The following GPR39 variants were observed in gnomAD, a reference collection of about 807,000 sequenced individuals.
GPR39 encodes G protein-coupled receptor 39.
In GPR39, 23 loss-of-function variants were observed where a neutral mutation model predicts 18.4. That is an observed-to-expected ratio of 1.25 (90% CI 0.90 to 1.77). GPR39 has a LOEUF of 1.77. GPR39 is among the 40% of genes most tolerant of loss of function. The pLI, the probability that GPR39 is intolerant of heterozygous loss-of-function variation, is 0.00. For missense variants in GPR39, 647 were observed against 602.4 expected (o/e 1.07, Z -0.78); for synonymous variants, 280 against 257.9 (o/e 1.09, Z -0.82).
In GPR39 at chr2:132,515,890, A is replaced by G. The variant is rs970392987; in HGVS notation, c.856+97992A>G. On this transcript the variant is annotated intron_variant, in intron 1 of 1. Transcript: ENST00000329321. The stretch of plus-strand genomic sequence containing the variant: ...TGTCCTCTGATTGTATTTCTGCATG[A>G]CTGTCCGTAAAAATACATGGTTTTC... Among the ~76,000 whole-genome samples the G allele has an allele frequency of 5.9e-5, 9 of 152,272 alleles. No homozygotes were observed. In the South Asian group the frequency reaches 1.2e-3, roughly 21 times the overall value.
chr2:132,501,968 CTTATGTG>C (rs1332806528), intron 1 of GPR39, among the ~76,000 whole-genome samples: 3 of 152,066 alleles, frequency 2.0e-5, no homozygotes, highest in Non-Finnish European at 4.4e-5. Flanking sequence ...GATGTGAGTA[CTTATGTG>C]TTAGATGAAT....
intron 1 of GPR39, among the ~76,000 whole-genome samples, chr2:132,538,187 C>T (rs756130184): frequency 6.6e-6 from 1 of 152,154 alleles, no homozygotes; most frequent in Non-Finnish European, 1.5e-5. Flanking sequence ...ATGGATTTAT[C>T]TACCTTTTAT....
At chr2:132,422,843 C>T (rs899273464) in intron 1 of GPR39, among the ~76,000 whole-genome samples, 4 of 151,828 alleles carry the variant, frequency 2.6e-5, no homozygotes, top group East Asian at 1.9e-4. Flanking sequence ...GCATAGTTTC[C>T]GAGGAAGGGG....
At chr2:132,643,210 G>A (rs1353319292) in intron 1 of GPR39, among the ~76,000 whole-genome samples, 1 of 152,094 alleles carries the variant, frequency 6.6e-6, no homozygotes, top group Admixed American at 6.5e-5. Flanking sequence ...TTTTTCATCA[G>A]ATCAATATGT....
intron 1 of GPR39, among the ~76,000 whole-genome samples, chr2:132,510,272 T>G (rs1679215591): frequency 6.6e-6 from 1 of 152,104 alleles, no homozygotes; most frequent in Admixed American, 6.5e-5. Flanking sequence ...AGACATGAAG[T>G]GAGCTTATTG....
intron 1 of GPR39, among the ~76,000 whole-genome samples, chr2:132,587,520 G>A (rs138049986): frequency 1.3e-5 from 2 of 152,118 alleles, no homozygotes; most frequent in East Asian, 3.9e-4. Flanking sequence ...TCTTGATTAG[G>A]TCTTTTCTTT....
chr2:132,492,035 C>CAG (rs1465559286), intron 1 of GPR39, among the ~76,000 whole-genome samples: 1 of 147,456 alleles, frequency 6.8e-6, no homozygotes, highest in African/African-American at 2.6e-5. Context: ...TATATATACA[C>CAG]CACATATATA....
intron 1 of GPR39, among the ~76,000 whole-genome samples, chr2:132,546,729 C>A (rs538631924): frequency 1.3e-5 from 2 of 151,238 alleles, no homozygotes; most frequent in Non-Finnish European, 2.9e-5. Context: ...GACGTTGGCA[C>A]CCTGGGGATT....
chr2:132,571,211 A>G (rs1003866126), intron 1 of GPR39, among the ~76,000 whole-genome samples: 1 of 152,230 alleles, frequency 6.6e-6, no homozygotes, highest in Non-Finnish European at 1.5e-5. Context: ...AGCTATTTCT[A>G]GAATCGACAT....
chr2:132,480,877 A>C (rs191366675), intron 1 of GPR39, among the ~76,000 whole-genome samples: 2 of 152,212 alleles, frequency 1.3e-5, no homozygotes, highest in Non-Finnish European at 2.9e-5. Context: ...TCAACTTCTT[A>C]GTTGGCCTTG....
chr2:132,433,432 A>T (rs1319126392), intron 1 of GPR39, among the ~76,000 whole-genome samples: 2 of 152,046 alleles, frequency 1.3e-5, no homozygotes, highest in African/African-American at 4.8e-5. Flanking sequence ...CCAGTAAAAT[A>T]TTGCAGTAAA....
chr2:132,475,411 A>G (rs1316900210), intron 1 of GPR39, among the ~76,000 whole-genome samples: 1 of 152,004 alleles, frequency 6.6e-6, no homozygotes, highest in East Asian at 1.9e-4. Context: ...GATCTTGGGA[A>G]GAATAAATAC....
chr2:132,624,863 C>T (rs938233180), intron 1 of GPR39, among the ~76,000 whole-genome samples: 5 of 152,072 alleles, frequency 3.3e-5, no homozygotes, highest in Non-Finnish European at 5.9e-5. Flanking sequence ...AGTTCCCAGT[C>T]GGGGATCAAT....
chr2:132,636,835 G>A (rs1467020130), intron 1 of GPR39, among the ~76,000 whole-genome samples: 1 of 152,206 alleles, frequency 6.6e-6, no homozygotes, highest in Non-Finnish European at 1.5e-5. Flanking sequence ...TGTTTTGGTT[G>A]CCCCAGCTGC....
chr2:132,600,772 C>T (rs1681026274), intron 1 of GPR39, among the ~76,000 whole-genome samples: 1 of 151,898 alleles, frequency 6.6e-6, no homozygotes, highest in African/African-American at 2.4e-5. Flanking sequence ...TGAATTCTAC[C>T]AAACTTATTT....
At chr2:132,430,438 C>T (rs564689521) in intron 1 of GPR39, among the ~76,000 whole-genome samples, 22 of 152,204 alleles carry the variant, frequency 1.4e-4, no homozygotes, top group South Asian at 1.2e-3. Context: ...GCCACCAAAC[C>T]GGATTCTTCT....
intron 1 of GPR39, among the ~76,000 whole-genome samples, chr2:132,432,257 T>C (rs1356257506): frequency 6.6e-6 from 1 of 152,216 alleles, no homozygotes; most frequent in African/African-American, 2.4e-5. Flanking sequence ...GGTTGCAAAC[T>C]GCTGACTTCT....
intron 1 of GPR39, among the ~76,000 whole-genome samples, chr2:132,586,838 C>G (rs1238341370): frequency 1.3e-5 from 2 of 152,224 alleles, no homozygotes; most frequent in Non-Finnish European, 1.5e-5. Flanking sequence ...TACCTGGTTT[C>G]AAATGACTCT....
chr2:132,504,107 G>A (rs1679095001), intron 1 of GPR39, among the ~76,000 whole-genome samples: 1 of 152,136 alleles, frequency 6.6e-6, no homozygotes, highest in South Asian at 2.1e-4. Flanking sequence ...AAGCATCTGT[G>A]GATTCTCTCA....
Sources: allele counts gnomAD v4.1 joint callset (sites outside exome capture counted in the v4.1 genomes callset), GRCh38; gene constraint gnomAD v4.1.1; transcripts MANE v1.5; gene names NCBI Gene and HGNC (gene_info 2026-07-23, HGNC 2026-07-21).